The following GABRB2 variants were observed in gnomAD, a reference collection of about 807,000 sequenced individuals.
The protein encoded by GABRB2 is gamma-aminobutyric acid receptor subunit beta-2.
In GABRB2, 16 loss-of-function variants were observed where a neutral mutation model predicts 54.7. That is an observed-to-expected ratio of 0.29 (90% CI 0.20 to 0.44). The LOEUF (loss-of-function observed/expected upper bound fraction) is 0.44, where lower values mean the gene tolerates loss of function less well. GABRB2 is among the 20% of genes least tolerant of loss of function. The pLI is 1.00. For missense variants in GABRB2, 355 were observed against 644.0 expected (o/e 0.55, Z 4.86); for synonymous variants, 244 against 233.8 (o/e 1.04, Z -0.40).
In GABRB2 at chr5:161,341,937, TTATATATATATA is replaced by T. The variant is rs1237952955; in HGVS notation, c.542-5180_542-5169del. Among the ~76,000 whole-genome samples, 12 of 75,694 alleles carry T rather than the reference TTATATATATATA, an allele frequency of 1.6e-4. No homozygotes were observed. The East Asian group carries it at 3.6e-3, about 23-fold the overall frequency. 49.7% of individuals were successfully genotyped at this position (75,694 alleles called of 152,430 possible). A position where few individuals can be genotyped will look rare whatever the true frequency, so the allele number is the denominator to read the frequency against. ...TTAATGCCACTATTTATTTTTTCTT[TTATATATATATA>T]TATATATATATATATATATACATAC... On this transcript the variant is annotated intron_variant, in intron 5 of 9. Transcript: ENST00000393959.
At chr5:161,496,265 T>A (rs1472653540) in intron 3 of GABRB2, among the ~76,000 whole-genome samples, 1 of 152,158 alleles carries the variant, frequency 6.6e-6, no homozygotes, top group Non-Finnish European at 1.5e-5. Flanking sequence ...AGAGGATTGT[T>A]AGGATTAAGT....
chr5:161,353,743 T>A (rs1754538416), intron 5 of GABRB2, among the ~76,000 whole-genome samples: 1 of 151,960 alleles, frequency 6.6e-6, no homozygotes, highest in Non-Finnish European at 1.5e-5. Context: ...AAATCAACTG[T>A]TTTTATTAGT....
rs149864492 is a variant in GABRB2 at position 161,516,510 on chromosome 5, T to C, written c.237+28717A>G. Among the ~76,000 whole-genome samples the C allele has an allele frequency of 4.6e-5, 7 of 152,292 alleles. No individual in the cohort carries two copies. In the East Asian group the frequency reaches 1.4e-3, roughly 29 times the overall value. ...ATGGAAGTGAAGTTAAGAAAGGCAA[T>C]GAAACTTCTCCAAAGATAAATAATA... On this transcript the variant is annotated intron_variant, in intron 3 of 9. Coordinates refer to ENST00000393959, the MANE Select transcript of GABRB2 (RefSeq NM_001371727.1).
intron 5 of GABRB2, among the ~76,000 whole-genome samples, chr5:161,372,229 C>A (rs752409645): frequency 1.6e-4 from 25 of 152,250 alleles, no homozygotes; most frequent in Non-Finnish European, 2.8e-4. Context: ...GAACTTGCAA[C>A]TTCTCTTTGA....
rs144342788 is a variant in GABRB2 at position 161,352,886 on chromosome 5, C to T, written c.542-16117G>A. On this transcript the variant is annotated intron_variant, in intron 5 of 9. Transcript: ENST00000393959. ...AAACCTGTTATCTTGGAAATGGCCA[C>T]ACGGTCTTAGTAGAACAAACACAAT... Among the ~76,000 whole-genome samples the T allele has an allele frequency of 3.4e-3, 520 of 152,030 alleles. 3 individuals carry two copies. The highest frequency in any genetic ancestry group is 0.012 in the African/African-American group (494 of 41,512).
chr5:161,520,366 TTTGC>T (rs1760076941), intron 3 of GABRB2, among the ~76,000 whole-genome samples: 1 of 152,160 alleles, frequency 6.6e-6, no homozygotes, highest in Non-Finnish European at 1.5e-5. Flanking sequence ...TAAAATGTTT[TTTGC>T]TTTGCTAATT....
chr5:161,359,062 T>C (rs1343153452), intron 5 of GABRB2, among the ~76,000 whole-genome samples: 3 of 152,134 alleles, frequency 2.0e-5, no homozygotes, highest in Admixed American at 6.6e-5. Context: ...TTTATTTTGA[T>C]GTCTTAGTGA....
At chr5:161,508,249 T>A (rs982918875) in intron 3 of GABRB2, among the ~76,000 whole-genome samples, 2 of 151,158 alleles carry the variant, frequency 1.3e-5, no homozygotes, top group South Asian at 2.1e-4. Context: ...CAGCAATTTA[T>A]TAAGAGCTTA....
intron 9 of GABRB2, among the ~76,000 whole-genome samples, chr5:161,305,416 A>G (rs1757662027): frequency 6.6e-6 from 1 of 152,226 alleles, no homozygotes; most frequent in African/African-American, 2.4e-5. Flanking sequence ...AAGTTTTGCA[A>G]TGAGCTTACA....
chr5:161,295,549 G>C (rs559932519), intron 9 of GABRB2, among the ~76,000 whole-genome samples: 8 of 152,216 alleles, frequency 5.3e-5, no homozygotes, highest in African/African-American at 1.9e-4. Flanking sequence ...GCCAGTGATA[G>C]GCTCTGATGA....
chr5:161,469,525 A>C (rs5008265), intron 3 of GABRB2, among the ~76,000 whole-genome samples: 86,695 of 151,346 alleles, frequency 0.57, 26,234 homozygotes, highest in South Asian at 0.73. Flanking sequence ...AAACCAAAAA[A>C]CAAAAAACAA....
chr5:161,398,893 T>C (rs1042221826), intron 5 of GABRB2, among the ~76,000 whole-genome samples: 3 of 152,126 alleles, frequency 2.0e-5, no homozygotes, highest in African/African-American at 7.2e-5. Flanking sequence ...TTTCACTACG[T>C]TGGCCAGGAT....
intron 3 of GABRB2, among the ~76,000 whole-genome samples, chr5:161,534,270 T>C (rs1760560297): frequency 6.6e-6 from 1 of 152,124 alleles, no homozygotes; most frequent in Admixed American, 6.6e-5. Flanking sequence ...GTTAAACATC[T>C]TACAATGCAC....
chr5:161,416,430 G>C (rs1345908056), intron 4 of GABRB2, among the ~76,000 whole-genome samples: 12 of 151,956 alleles, frequency 7.9e-5, no homozygotes, highest in Non-Finnish European at 1.3e-4. Context: ...TCAAACATGT[G>C]ACTAAACATG....
intron 4 of GABRB2, among the ~76,000 whole-genome samples, chr5:161,439,963 A>C (rs78930019): frequency 0.029 from 4,336 of 151,808 alleles, 178 homozygotes; most frequent in East Asian, 0.17. Flanking sequence ...TAGCACATGT[A>C]CTCTGGAACT....
At chr5:161,489,809 T>C (rs904872986) in intron 3 of GABRB2, among the ~76,000 whole-genome samples, 1 of 151,780 alleles carries the variant, frequency 6.6e-6, no homozygotes, top group Admixed American at 6.6e-5. Flanking sequence ...TTAAGCCTAA[T>C]AGCTTTAGGC....
At chr5:161,340,172 C>T (rs1201450877) in intron 5 of GABRB2, among the ~76,000 whole-genome samples, 1 of 151,970 alleles carries the variant, frequency 6.6e-6, no homozygotes, top group Non-Finnish European at 1.5e-5. Context: ...ATGCGAATGT[C>T]TATAGCATTT....
At chr5:161,348,089 T>C (rs567888006) in intron 5 of GABRB2, among the ~76,000 whole-genome samples, 1 of 152,214 alleles carries the variant, frequency 6.6e-6, no homozygotes, top group South Asian at 2.1e-4. Context: ...AGTTTCTATA[T>C]CTGAAAAAAA....
chr5:161,351,375 G>A (rs553878791), intron 5 of GABRB2, among the ~76,000 whole-genome samples: 1 of 152,084 alleles, frequency 6.6e-6, no homozygotes, highest in South Asian at 2.1e-4. Context: ...AACAGAATAA[G>A]GAGCCCAGAA....
Sources: allele counts gnomAD v4.1 joint callset (sites outside exome capture counted in the v4.1 genomes callset), GRCh38; gene constraint gnomAD v4.1.1; transcripts MANE v1.5; gene names NCBI Gene and HGNC (gene_info 2026-07-23, HGNC 2026-07-21).